The following NKIRAS1 variants were observed in gnomAD, a reference collection of about 807,000 sequenced individuals.
NKIRAS1 encodes the protein NF-kappa-B inhibitor-interacting Ras-like protein 1.
A neutral mutation model predicts 19.8 loss-of-function variants in NKIRAS1; 16 were observed. The observed-to-expected ratio is 0.81, with a 90% CI of 0.55 to 1.23. The LOEUF is 1.23. NKIRAS1 is among the 50% of genes most tolerant of loss of function. NKIRAS1 has a pLI of 0.00. For missense variants in NKIRAS1, 184 were observed against 220.0 expected (o/e 0.84, Z 1.04); for synonymous variants, 88 against 79.0 (o/e 1.11, Z -0.61).
intron 1 of NKIRAS1, among the ~76,000 whole-genome samples, chr3:23,945,944 A>AGGC (rs1302905218): frequency 2.7e-4 from 40 of 149,826 alleles, no homozygotes; most frequent in East Asian, 1.2e-3. Flanking sequence ...ATGGGCGCTG[A>AGGC]GGCGGCGGCG....
chr3:23,938,137 T>C (rs968973109), intron 1 of NKIRAS1, among the ~76,000 whole-genome samples: 1 of 152,084 alleles, frequency 6.6e-6, no homozygotes, highest in Non-Finnish European at 1.5e-5. Context: ...CATCCATTCT[T>C]CCTATCCTAA....
At chr3:23,899,415 CTAAGT>C (rs1271869972) in intron 4 of NKIRAS1, among the ~76,000 whole-genome samples, 15 of 152,174 alleles carry the variant, frequency 9.9e-5, no homozygotes, top group African/African-American at 3.6e-4. Context: ...ATGCAAAAAT[CTAAGT>C]TAAGAACATC....
At chr3:23,906,112 T>TCA in intron 3 of NKIRAS1, among the ~76,000 whole-genome samples, 1 of 141,014 alleles carries the variant, frequency 7.1e-6, no homozygotes, top group Non-Finnish European at 1.5e-5. Flanking sequence ...TGAGCCGAGA[T>TCA]CGTGCCACTG....
intron 1 of NKIRAS1, among the ~76,000 whole-genome samples, chr3:23,943,318 C>T (rs145480481): frequency 0.014 from 2,178 of 152,278 alleles, 22 homozygotes; most frequent in Non-Finnish European, 0.02. Flanking sequence ...CCGCAACTTC[C>T]GCCTTCCGGG....
intron 1 of NKIRAS1, among the ~76,000 whole-genome samples, chr3:23,945,017 G>T (rs934224207): frequency 6.6e-6 from 1 of 152,090 alleles, no homozygotes; most frequent in African/African-American, 2.4e-5. Context: ...GGGAGGAGAG[G>T]AAAGAGGAGG....
upstream of NKIRAS1, chr3:23,919,426 C>T: frequency 1.2e-6 from 2 of 1,604,664 alleles, no homozygotes; most frequent in Admixed American, 3.3e-5. Context: ...GCCACAAGTT[C>T]CACCACACTA....
At chr3:23,929,540 C>T (rs1705270380) in intron 1 of NKIRAS1, among the ~76,000 whole-genome samples, 1 of 152,134 alleles carries the variant, frequency 6.6e-6, no homozygotes, top group African/African-American at 2.4e-5. Flanking sequence ...GATCCTCCCA[C>T]CTCAGCCTCC....
intron 2 of NKIRAS1, 49 bp downstream of exon 2, chr3:23,911,280 C>G (rs913338553): frequency 1.2e-5 from 2 of 173,326 alleles, no homozygotes; most frequent in African/African-American, 4.8e-5. Flanking sequence ...ATGGTGAAAC[C>G]CCATCTCTAC....
chr3:23,943,817 G>C (rs552859086), intron 1 of NKIRAS1, among the ~76,000 whole-genome samples: 1 of 152,232 alleles, frequency 6.6e-6, no homozygotes, highest in Non-Finnish European at 1.5e-5. Context: ...AAGGGTTTGG[G>C]TATCAAGACA....
chr3:23,945,791 A>C (rs1475094061), intron 1 of NKIRAS1, among the ~76,000 whole-genome samples: 1 of 150,188 alleles, frequency 6.7e-6, no homozygotes, highest in Non-Finnish European at 1.5e-5. Flanking sequence ...GTCTCCCTGC[A>C]AAGCCGCAGC....
upstream of NKIRAS1, chr3:23,919,994 C>G: frequency 1.0e-6 from 1 of 987,022 alleles, no homozygotes; most frequent in Non-Finnish European, 1.2e-6. Flanking sequence ...ATTTTAAATT[C>G]ACATAAAAGG....
intron 4 of NKIRAS1, among the ~76,000 whole-genome samples, chr3:23,898,887 C>T (rs1234939977): frequency 6.6e-6 from 1 of 152,180 alleles, no homozygotes; most frequent in Non-Finnish European, 1.5e-5. Context: ...CCTCCTGTCA[C>T]ATCAGTGGCA....
intron 1 of NKIRAS1, among the ~76,000 whole-genome samples, chr3:23,929,510 T>G (rs1248751189): frequency 6.6e-6 from 1 of 152,210 alleles, no homozygotes; most frequent in African/African-American, 2.4e-5. Context: ...CACTGCAACC[T>G]CTGCGTCTCC....
At chr3:23,919,310 A>G (rs377507939), upstream of NKIRAS1, 4 of 1,604,638 alleles carry the variant, frequency 2.5e-6, no homozygotes, top group Non-Finnish European at 1.7e-6. Context: ...CCATAAAGCT[A>G]TCAGAAGAAA....
chr3:23,916,067 A>C (rs1202589028), intron 1 of NKIRAS1: 1 of 152,232 alleles, frequency 6.6e-6, no homozygotes, highest in African/African-American at 2.4e-5. Context: ...TTGTTGAATC[A>C]ATCAATGAAC....
At chr3:23,946,228 C>G (rs974232909) in intron 1 of NKIRAS1, 7 of 985,440 alleles carry the variant, frequency 7.1e-6, no homozygotes, top group Non-Finnish European at 8.4e-6. Context: ...CGCAGTGCAC[C>G]GGACGCCGCA....
In NKIRAS1 at chr3:23,892,885, G is replaced by T. The variant is rs1701578791; in HGVS notation, c.*210C>A. On this transcript the variant is annotated 3_prime_UTR_variant, in exon 5 of 5. Transcript: ENST00000425478. ...TTCAAAGACAGGTTTCAAACAATGAGAATAAGAATATATTATTTCATATCA... is the reference window on the plus strand; with the variant it reads ...TTCAAAGACAGGTTTCAAACAATGATAATAAGAATATATTATTTCATATCA... 5.4e-6 allele frequency: 2 copies of T among 369,986 alleles called. No homozygotes were observed. The highest frequency in any genetic ancestry group is 4.2e-5 in the African/African-American group (2 of 47,890). The allele number at this position is 369,986 out of a possible 1,614,324, so 22.9% of individuals were successfully genotyped here.
At chr3:23,936,134 A>T (rs535991856) in intron 1 of NKIRAS1, among the ~76,000 whole-genome samples, 1 of 149,916 alleles carries the variant, frequency 6.7e-6, no homozygotes, top group Non-Finnish European at 1.5e-5. Flanking sequence ...ATTGGTGATA[A>T]GCATAATAGG....
upstream of NKIRAS1, chr3:23,918,285 C>T (rs1248521106): frequency 1.5e-5 from 14 of 953,630 alleles, no homozygotes; most frequent in Non-Finnish European, 2.0e-5. Flanking sequence ...GCCTAAGGTG[C>T]ATTGAAAAAG....
Sources: allele counts gnomAD v4.1 joint callset (sites outside exome capture counted in the v4.1 genomes callset), GRCh38; gene constraint gnomAD v4.1.1; transcripts MANE v1.5; gene names NCBI Gene and HGNC (gene_info 2026-07-23, HGNC 2026-07-21).